The following HTR2C variants were observed in gnomAD, a reference collection of about 807,000 sequenced individuals.
HTR2C encodes 5-hydroxytryptamine receptor 2C.
HTR2C carries 5 observed loss-of-function variants against 21.0 expected under a neutral mutation model. That is an observed-to-expected ratio of 0.24 (90% CI 0.12 to 0.50). The LOEUF is 0.50. Ranked by LOEUF, HTR2C falls within the 20% of genes least tolerant of loss-of-function variation. The pLI is 0.98. For synonymous variants in HTR2C, 150 were observed against 145.3 expected, an observed-to-expected ratio of 1.03 and a Z score of -0.23; for missense variants, 271 against 371.2, an observed-to-expected ratio of 0.73 and a Z score of 2.22.
At chrX:114,770,040 A>G (rs990942807) in intron 4 of HTR2C, among the ~76,000 whole-genome samples, 3 of 111,803 alleles carry the variant, frequency 2.7e-5, no homozygotes, top group East Asian at 5.6e-4. Flanking sequence ...TGTCATCCCA[A>G]TGCTTTCTGG....
Position 114,752,642 on chromosome X carries a change from G to A in HTR2C, c.349+21035G>A, listed in dbSNP as rs782227192. 3.3e-4 allele frequency among the ~76,000 whole-genome samples: 36 copies of A among 110,460 alleles called. 1 individual carries two copies. In the South Asian group the frequency reaches 0.012, roughly 38 times the overall value. On this transcript the variant is annotated intron_variant, in intron 4 of 5. Transcript: ENST00000276198. ...ATACAGATTGGCAAAATTCCCAAGG[G>A]GCATTATAATGTTGCATTTAGTTAG...
In HTR2C at chrX:114,640,829, A is replaced by G. The variant is rs1447944211; in HGVS notation, c.-80+26948A>G. 2.7e-5 allele frequency among the ~76,000 whole-genome samples: 3 copies of G among 110,154 alleles called. No individual in the cohort carries two copies. In the East Asian group the frequency reaches 8.7e-4, roughly 32 times the overall value. ...CTATCTTATGGATTTGTGATACAAC[A>G]TCTATTTTATTGCGCTGTTTCTCCT... On this transcript the variant is annotated intron_variant, in intron 2 of 5. Coordinates refer to ENST00000276198, the MANE Select transcript of HTR2C (RefSeq NM_000868.4).
intron 4 of HTR2C, among the ~76,000 whole-genome samples, chrX:114,742,777 G>A (rs1484778760): frequency 1.9e-5 from 1 of 52,167 alleles, no homozygotes; most frequent in Non-Finnish European, 3.4e-5. Flanking sequence ...TGTGCACATT[G>A]TGCAGGTTAG....
At chrX:114,763,251 C>T (rs781866646) in intron 4 of HTR2C, 36 of 125,467 alleles carry the variant, frequency 2.9e-4, no homozygotes, top group African/African-American at 9.7e-4. Context: ...TTGTGGTCTC[C>T]GCTGACGCTT....
intron 5 of HTR2C, among the ~76,000 whole-genome samples, chrX:114,899,007 C>A (rs1366365686): frequency 2.7e-5 from 3 of 112,104 alleles, no homozygotes; most frequent in African/African-American, 9.7e-5. Context: ...TGCATCGATT[C>A]TTTCTATCCA....
At chrX:114,711,929 AAAG>A (rs1932897567) in intron 2 of HTR2C, among the ~76,000 whole-genome samples, 1 of 112,060 alleles carries the variant, frequency 8.9e-6, no homozygotes, top group South Asian at 3.6e-4. Flanking sequence ...GTTATTTATA[AAAG>A]AAGATTTGTA....
chrX:114,628,352 C>T (rs1201306942), intron 2 of HTR2C, among the ~76,000 whole-genome samples: 1 of 107,475 alleles, frequency 9.3e-6, no homozygotes, highest in Non-Finnish European at 1.9e-5. Context: ...GATTCTTGTG[C>T]CTCAGGCTCC....
chrX:114,823,343 C>T (rs1556457022), intron 4 of HTR2C: 1 of 322,114 alleles, frequency 3.1e-6, no homozygotes, highest in South Asian at 2.7e-5. Context: ...GAAAAGACCA[C>T]CAGGCCAGAA....
rs369056461 is a variant in HTR2C at position 114,731,347 on chromosome X, T to C, written c.89T>C (p.Val30Ala). 1 of 1,203,936 alleles carries C rather than the reference T, an allele frequency of 8.3e-7. No individual in the cohort carries two copies. The highest frequency in any genetic ancestry group is 1.8e-5 in the African/African-American group (1 of 56,716). ...VWQSDISVSP[V>A]AAIVTDIFNT... The stretch of plus-strand genomic sequence containing the variant: ...CAATCTGATATTTCTGTGAGCCCAG[T>C]AGCAGCTATAGTAACTGACATTTTC... The change falls in exon 4 of 6, where the codon GTA (valine) becomes GCA (alanine). Residue 30 changes from valine to alanine, a missense_variant. Transcript: ENST00000276198.
intron 4 of HTR2C, among the ~76,000 whole-genome samples, chrX:114,839,994 GAAAAACAAAAAC>G (rs782605296): frequency 1.8e-5 from 2 of 110,840 alleles, no homozygotes; most frequent in African/African-American, 6.6e-5. Flanking sequence ...CTGATTGCTG[GAAAAACAAAAAC>G]AAAAACAAAA....
intron 2 of HTR2C, among the ~76,000 whole-genome samples, chrX:114,646,171 A>G (rs1328722825): frequency 1.8e-5 from 2 of 112,089 alleles, no homozygotes; most frequent in East Asian, 5.6e-4. Context: ...TATCATTTGA[A>G]ATTAGGTAAA....
chrX:114,864,661 G>A (rs1303586418), intron 5 of HTR2C, among the ~76,000 whole-genome samples: 19 of 110,949 alleles, frequency 1.7e-4, no homozygotes, highest in Non-Finnish European at 5.7e-5. Context: ...AGTGAGTTTT[G>A]TACTTTCTTT....
At chrX:114,893,994 C>A (rs1267654549) in intron 5 of HTR2C, among the ~76,000 whole-genome samples, 2 of 111,465 alleles carry the variant, frequency 1.8e-5, no homozygotes, top group African/African-American at 6.5e-5. Flanking sequence ...TGGCTTCACA[C>A]CACTAGAATG....
At chrX:114,763,347 C>T (rs984016775) in intron 4 of HTR2C, 5 of 121,575 alleles carry the variant, frequency 4.1e-5, no homozygotes, top group African/African-American at 1.6e-4. Context: ...TCTACAAACC[C>T]TCAAGATACC....
chrX:114,810,333 G>C (rs782218879), intron 4 of HTR2C, among the ~76,000 whole-genome samples: 14 of 111,500 alleles, frequency 1.3e-4, no homozygotes, highest in South Asian at 7.8e-4. Context: ...TCCAAGCCCA[G>C]CACAGCACCA....
chrX:114,757,150 C>A (rs1360062099), intron 4 of HTR2C, among the ~76,000 whole-genome samples: 1 of 111,013 alleles, frequency 9.0e-6, no homozygotes, highest in African/African-American at 3.3e-5. Context: ...GAAATTACAT[C>A]CTTCAATGAG....
intron 4 of HTR2C, among the ~76,000 whole-genome samples, chrX:114,817,619 T>C (rs2070597588): frequency 9.0e-6 from 1 of 111,301 alleles, no homozygotes; most frequent in African/African-American, 3.3e-5. Context: ...TCAAGTGCCA[T>C]GGTAGCCTTA....
intron 4 of HTR2C, among the ~76,000 whole-genome samples, chrX:114,839,374 A>C (rs2070814323): frequency 1.8e-5 from 2 of 112,014 alleles, no homozygotes; most frequent in South Asian, 7.4e-4. Context: ...GAGGTGGCTA[A>C]AACTCCAATA....
intron 3 of HTR2C, among the ~76,000 whole-genome samples, chrX:114,727,562 T>C (rs1241041072): frequency 2.7e-5 from 3 of 111,941 alleles, no homozygotes; most frequent in Non-Finnish European, 5.6e-5. Context: ...TACCTTCTTT[T>C]TACATAGAAA....
Sources: gnomAD v4.1 joint callset for allele counts (sites outside exome capture counted in the v4.1 genomes callset) on GRCh38, gnomAD v4.1.1 for gene constraint, MANE v1.5 for transcripts, NCBI Gene and HGNC (gene_info 2026-07-23, HGNC 2026-07-21) for gene names.